The following CDK6 variants were observed in gnomAD, a reference collection of about 807,000 sequenced individuals.
CDK6 encodes cyclin-dependent kinase 6.
CDK6 carries 6 observed loss-of-function variants against 37.1 expected under a neutral mutation model. The ratio of observed to expected loss-of-function variants is 0.16; its 90% CI spans 0.09 to 0.32. The LOEUF (loss-of-function observed/expected upper bound fraction) is 0.32, where lower values mean the gene tolerates loss of function less well. CDK6 is among the 10% of genes least tolerant of loss of function. CDK6 has a pLI of 1.00. For synonymous variants in CDK6, 160 were observed against 161.3 expected (o/e 0.99, Z 0.06); for missense variants, 224 against 418.9 (o/e 0.53, Z 4.06).
chr7:92,698,202 A>G (rs1338441516), intron 4 of CDK6, among the ~76,000 whole-genome samples: 2 of 152,208 alleles, frequency 1.3e-5, no homozygotes, highest in Admixed American at 6.5e-5. Context: ...ACAGCTCTCC[A>G]TGAACTTTAA....
At chr7:92,768,985 C>A (rs1799647836) in intron 3 of CDK6, among the ~76,000 whole-genome samples, 1 of 152,070 alleles carries the variant, frequency 6.6e-6, no homozygotes. Context: ...ACCAGTCAGT[C>A]ACTTTGCATT....
intron 5 of CDK6, among the ~76,000 whole-genome samples, chr7:92,640,525 G>A (rs1401220230): frequency 1.3e-5 from 2 of 152,090 alleles, no homozygotes; most frequent in African/African-American, 2.4e-5. Context: ...TATGACTGAA[G>A]GCTTTGACAA....
At chr7:92,800,088 C>T (rs965813700) in intron 2 of CDK6, among the ~76,000 whole-genome samples, 5 of 152,166 alleles carry the variant, frequency 3.3e-5, no homozygotes, top group Admixed American at 3.3e-4. Context: ...TTGGCCAATT[C>T]TAGGACTTAA....
chr7:92,645,852 A>G (rs1367745166), intron 5 of CDK6, among the ~76,000 whole-genome samples: 1 of 152,154 alleles, frequency 6.6e-6, no homozygotes, highest in African/African-American at 2.4e-5. Context: ...GTAAGGCTCC[A>G]TCTTTTGGCG....
chr7:92,738,593 C>T (rs1483125937), intron 3 of CDK6, among the ~76,000 whole-genome samples: 1 of 150,808 alleles, frequency 6.6e-6, no homozygotes, highest in East Asian at 2.0e-4. Context: ...GAGCCAAGAC[C>T]GGCCACTGCA....
intron 4 of CDK6, among the ~76,000 whole-genome samples, chr7:92,713,913 A>G (rs561592368): frequency 5.3e-5 from 8 of 152,300 alleles, no homozygotes; most frequent in South Asian, 4.1e-4. Context: ...AGGGAAGTCA[A>G]TATTTAAAGA....
At chr7:92,657,257 C>G (rs1790031915) in intron 5 of CDK6, among the ~76,000 whole-genome samples, 1 of 152,110 alleles carries the variant, frequency 6.6e-6, no homozygotes, top group Admixed American at 6.5e-5. Flanking sequence ...GACTTTATGA[C>G]CAGGTAGACT....
At chr7:92,724,833 C>A (rs1004365817) in intron 4 of CDK6, among the ~76,000 whole-genome samples, 55 of 152,082 alleles carry the variant, frequency 3.6e-4, no homozygotes, top group African/African-American at 1.2e-3. Flanking sequence ...GTACGTAAGG[C>A]ATGAATTTAC....
At chr7:92,622,929 GAAGT>G (rs1324367369) in intron 6 of CDK6, 103 bp downstream of exon 6, 2 of 705,472 alleles carry the variant, frequency 2.8e-6, no homozygotes, top group East Asian at 5.5e-5. Context: ...GCAGCTGCTT[GAAGT>G]AAGAAAGACA....
At chr7:92,828,366 C>T (rs943573770) in intron 2 of CDK6, among the ~76,000 whole-genome samples, 8 of 152,062 alleles carry the variant, frequency 5.3e-5, no homozygotes, top group African/African-American at 1.4e-4. Context: ...TGTACTCACC[C>T]GATTTAACTG....
At chr7:92,764,751 A>G (rs549597961) in intron 3 of CDK6, among the ~76,000 whole-genome samples, 1 of 152,362 alleles carries the variant, frequency 6.6e-6, no homozygotes, top group Admixed American at 6.5e-5. Flanking sequence ...CCACATATTC[A>G]TTCAACAATT....
chr7:92,722,927 G>C (rs543064268), intron 4 of CDK6, among the ~76,000 whole-genome samples: 1 of 152,326 alleles, frequency 6.6e-6, no homozygotes, highest in Non-Finnish European at 1.5e-5. Context: ...GCTTATGCCT[G>C]TAATCCCAGC....
intron 3 of CDK6, among the ~76,000 whole-genome samples, chr7:92,746,402 C>T (rs1245760082): frequency 6.6e-6 from 1 of 152,148 alleles, no homozygotes; most frequent in Non-Finnish European, 1.5e-5. Context: ...AAATCTAAAA[C>T]CTCTTGAATG....
intron 2 of CDK6, among the ~76,000 whole-genome samples, chr7:92,791,632 A>ATAT (rs1449608712): frequency 6.6e-6 from 1 of 152,142 alleles, no homozygotes; most frequent in Non-Finnish European, 1.5e-5. Context: ...GAATGTATAT[A>ATAT]TATTAAGAAT....
chr7:92,706,316 CTTGAG>C (rs1797965007), intron 4 of CDK6, among the ~76,000 whole-genome samples: 1 of 152,192 alleles, frequency 6.6e-6, no homozygotes, highest in Admixed American at 6.5e-5. Flanking sequence ...GGAGGATGGC[CTTGAG>C]CCCAGGAGGC....
At chr7:92,806,352 T>C (rs184680374) in intron 2 of CDK6, among the ~76,000 whole-genome samples, 1 of 152,328 alleles carries the variant, frequency 6.6e-6, no homozygotes, top group Non-Finnish European at 1.5e-5. Flanking sequence ...TTAAAACATG[T>C]ACAATTGTAG....
chr7:92,729,748 CTTTTT>C (rs1169845930), intron 3 of CDK6, among the ~76,000 whole-genome samples: 1 of 152,124 alleles, frequency 6.6e-6, no homozygotes, highest in East Asian at 1.9e-4. Flanking sequence ...GCCTTCTTTT[CTTTTT>C]CTTTTCTTTT....
At chr7:92,686,288 G>A (rs745511476) in intron 4 of CDK6, among the ~76,000 whole-genome samples, 1 of 151,564 alleles carries the variant, frequency 6.6e-6, no homozygotes, top group Non-Finnish European at 1.5e-5. Context: ...CCCTCCTCCC[G>A]CCCCTTCCCT....
intron 4 of CDK6, among the ~76,000 whole-genome samples, chr7:92,673,250 C>T (rs962330972): frequency 2.6e-5 from 4 of 152,146 alleles, no homozygotes; most frequent in Non-Finnish European, 4.4e-5. Context: ...CCAGCTGAGT[C>T]CGGTCAACTG....
Sources: gnomAD v4.1 joint callset for allele counts (sites outside exome capture counted in the v4.1 genomes callset) on GRCh38, gnomAD v4.1.1 for gene constraint, MANE v1.5 for transcripts, NCBI Gene and HGNC (gene_info 2026-07-23, HGNC 2026-07-21) for gene names.